The following SLC38A8 variants were observed in gnomAD, a reference collection of about 807,000 sequenced individuals.
SLC38A8 encodes the protein amino acid transporter SLC38A8.
SLC38A8 carries 65 observed loss-of-function variants against 46.0 expected under a neutral mutation model. That is an observed-to-expected ratio of 1.41 (90% confidence interval 1.16 to 1.74). The LOEUF (loss-of-function observed/expected upper bound fraction) is 1.74. SLC38A8 is among the 40% of genes most tolerant of loss of function. The probability of loss-of-function intolerance (pLI) is 0.00; values close to 1 mark genes in which losing one functional copy is unlikely to be tolerated. For missense variants in SLC38A8, 998 were observed against 567.9 expected, an observed-to-expected ratio of 1.76 and a Z score of -7.70; for synonymous variants, 447 against 243.7, an observed-to-expected ratio of 1.83 and a Z score of -7.77.
At chr16:84,017,079 C>A (rs1395850633) in intron 8 of SLC38A8, 61 bp downstream of exon 8, 2 of 1,595,006 alleles carry the variant, frequency 1.3e-6, no homozygotes, top group South Asian at 2.3e-5. Flanking sequence ...GGTACATGCT[C>A]AATCACAGCA....
At chr16:84,009,958 G>A (rs2084935457) in intron 10 of SLC38A8, 81 bp from the exon 11 acceptor site, 2 of 1,194,114 alleles carry the variant, frequency 1.7e-6, no homozygotes, top group African/African-American at 1.5e-5. Context: ...AATTCACTAT[G>A]TAGAGCCCAG....
intron 8 of SLC38A8, 65 bp from the exon 9 acceptor site, chr16:84,016,792 G>A: frequency 1.3e-6 from 2 of 1,525,246 alleles, no homozygotes; most frequent in South Asian, 2.4e-5. Context: ...CCCGACAGCT[G>A]CTCCCCAGTC....
chr16:84,016,968 C>T (rs2085035039), intron 8 of SLC38A8, among the ~76,000 whole-genome samples, 172 bp downstream of exon 8: 1 of 152,192 alleles, frequency 6.6e-6, no homozygotes, highest in Non-Finnish European at 1.5e-5. Context: ...GACACACACT[C>T]ACGGAGTGAC....
At chr16:84,032,706 T>C (rs2085256623) in intron 4 of SLC38A8, among the ~76,000 whole-genome samples, 1 of 152,224 alleles carries the variant, frequency 6.6e-6, no homozygotes, top group Admixed American at 6.5e-5. Flanking sequence ...GTTTGCTGCC[T>C]GCTGTTTCTA....
chr16:84,031,231 G>A (rs1178173688), intron 5 of SLC38A8, among the ~76,000 whole-genome samples: 1 of 151,982 alleles, frequency 6.6e-6, no homozygotes, highest in Non-Finnish European at 1.5e-5. Context: ...TGTAGAGACA[G>A]GGTTTCACCA....
At chr16:84,010,491 A>G (rs921538697) in intron 10 of SLC38A8, among the ~76,000 whole-genome samples, 1 of 152,176 alleles carries the variant, frequency 6.6e-6, no homozygotes. Context: ...CTATAATCCC[A>G]GCACTTTGGG....
intron 6 of SLC38A8, among the ~76,000 whole-genome samples, chr16:84,026,148 G>T (rs535362945): frequency 1.3e-5 from 2 of 152,088 alleles, no homozygotes; most frequent in African/African-American, 4.8e-5. Context: ...GGAAAAGACA[G>T]TTAGTAGTGC....
intron 6 of SLC38A8, among the ~76,000 whole-genome samples, chr16:84,027,984 G>C (rs922412311): frequency 2.5e-4 from 38 of 152,116 alleles, no homozygotes; most frequent in African/African-American, 8.9e-4. Flanking sequence ...GAAGTGGCTT[G>C]CTGAGGCCCT....
chr16:84,035,101 G>C (rs1191281499), intron 3 of SLC38A8, among the ~76,000 whole-genome samples: 1 of 152,266 alleles, frequency 6.6e-6, no homozygotes, highest in African/African-American at 2.4e-5. Flanking sequence ...CCAGACCTGG[G>C]GTGGCCCGTA....
At chr16:84,035,522 A>G (rs1389367284) in intron 3 of SLC38A8, among the ~76,000 whole-genome samples, 1 of 152,190 alleles carries the variant, frequency 6.6e-6, no homozygotes, top group Non-Finnish European at 1.5e-5. Flanking sequence ...GCAAGACCCG[A>G]CCATATGCTG....
At chr16:84,038,093 C>T (rs1017248108) in intron 2 of SLC38A8, among the ~76,000 whole-genome samples, 2 of 152,042 alleles carry the variant, frequency 1.3e-5, no homozygotes, top group African/African-American at 4.8e-5. Flanking sequence ...GGAGGATCAC[C>T]TGAGGTCGGG....
At chr16:84,038,710 G>A (rs999771265) in intron 2 of SLC38A8, among the ~76,000 whole-genome samples, 7 of 152,150 alleles carry the variant, frequency 4.6e-5, no homozygotes, top group African/African-American at 7.2e-5. Flanking sequence ...ACGGTGCCAC[G>A]AGTCCCACTT....
intron 2 of SLC38A8, among the ~76,000 whole-genome samples, chr16:84,037,806 AT>A (rs376247461): frequency 8.8e-4 from 90 of 102,242 alleles, no homozygotes; most frequent in Middle Eastern, 7.9e-3. Context: ...TTCAGCTTCA[AT>A]TTTTTTTTTT....
rs984928821 is a variant in SLC38A8 at position 84,013,030 on chromosome 16, C to T, written c.1185G>A (p.Met395Ile). The T allele has an allele frequency of 3.7e-6, 6 of 1,614,184 alleles. No individual in the cohort carries two copies. The East Asian group carries it at 1.1e-4, about 30-fold the overall frequency. The change falls in exon 10 of 11, where the codon ATG becomes ATA. Residue 395 changes from methionine to isoleucine, a missense_variant. Coordinates refer to ENST00000299709, the MANE Select transcript of SLC38A8 (RefSeq NM_001080442.3). Reference protein sequence around the residue: ...IFPGLCLICAMGVEPIGPRVK... With the variant: ...IFPGLCLICAIGVEPIGPRVK... ...CTCTTGGTCCTATAGGCTCGACACC[C>T]ATTGCACAGATGAGGCACAAACCTG... is the stretch of plus-strand genomic sequence containing the variant.
chr16:84,036,985 A>C, intron 2 of SLC38A8, 85 bp from the exon 3 acceptor site: 9 of 1,338,624 alleles, frequency 6.7e-6, no homozygotes, highest in African/African-American at 1.6e-5. Flanking sequence ...CACACTCTCC[A>C]CATGGCTTCT....
chr16:84,026,092 C>T (rs373295441), intron 6 of SLC38A8, among the ~76,000 whole-genome samples: 5 of 152,240 alleles, frequency 3.3e-5, no homozygotes, highest in Non-Finnish European at 4.4e-5. Context: ...GGGGAGTCCC[C>T]GAACGGCAGC....
chr16:84,029,020 C>A (rs1346509538), intron 6 of SLC38A8, among the ~76,000 whole-genome samples: 2 of 152,146 alleles, frequency 1.3e-5, no homozygotes, highest in Non-Finnish European at 2.9e-5. Context: ...GCTCCCTGTA[C>A]ACCTTCCAGC....
intron 6 of SLC38A8, among the ~76,000 whole-genome samples, chr16:84,029,183 G>C (rs1023648064): frequency 1.3e-5 from 2 of 152,170 alleles, no homozygotes; most frequent in Non-Finnish European, 2.9e-5. Flanking sequence ...GTTCTGCAGA[G>C]GAAGGGACAG....
At chr16:84,022,477 G>A (rs969137346) in intron 7 of SLC38A8, among the ~76,000 whole-genome samples, 1 of 152,222 alleles carries the variant, frequency 6.6e-6, no homozygotes, top group Non-Finnish European at 1.5e-5. Context: ...GCAGGCAGCA[G>A]GGCTGGGGTG....
Sources: gnomAD v4.1 joint callset for allele counts (sites outside exome capture counted in the v4.1 genomes callset) on GRCh38, gnomAD v4.1.1 for gene constraint, MANE v1.5 for transcripts, NCBI Gene and HGNC (gene_info 2026-07-23, HGNC 2026-07-21) for gene names.